The following COL25A1 variants were observed in gnomAD, a reference collection of about 807,000 sequenced individuals.
COL25A1 encodes the protein collagen alpha-1(XXV) chain.
A neutral mutation model predicts 128.4 loss-of-function variants in COL25A1; 103 were observed. That is an observed-to-expected ratio of 0.80 (90% CI 0.68 to 0.94). The LOEUF (loss-of-function observed/expected upper bound fraction) is 0.94. COL25A1 is among the 40% of genes least tolerant of loss of function. The pLI is 0.00. For missense variants in COL25A1, 745 were observed against 840.0 expected (o/e 0.89, Z 1.40); for synonymous variants, 279 against 277.2 (o/e 1.01, Z -0.06).
chr4:109,097,315 T>C (rs892360953), intron 3 of COL25A1, among the ~76,000 whole-genome samples: 6 of 152,050 alleles, frequency 3.9e-5, no homozygotes, highest in African/African-American at 1.2e-4. Context: ...ATTAAAATTA[T>C]GTTATCTGGC....
chr4:109,127,532 T>G (rs1768736898), intron 3 of COL25A1, among the ~76,000 whole-genome samples: 1 of 152,146 alleles, frequency 6.6e-6, no homozygotes, highest in African/African-American at 2.4e-5. Context: ...CTCTCTATGT[T>G]GCCCAGGCTG....
chr4:109,053,353 AAC>A (rs1204125140), intron 3 of COL25A1, among the ~76,000 whole-genome samples: 1 of 152,230 alleles, frequency 6.6e-6, no homozygotes, highest in Non-Finnish European at 1.5e-5. Context: ...TTCATCAAAT[AAC>A]AAAGGCAAGC....
At chr4:109,195,497 G>A (rs1351652838) in intron 3 of COL25A1, among the ~76,000 whole-genome samples, 1 of 152,158 alleles carries the variant, frequency 6.6e-6, no homozygotes, top group Non-Finnish European at 1.5e-5. Context: ...GTAGTAGGAT[G>A]TGCCTGGACA....
intron 3 of COL25A1, among the ~76,000 whole-genome samples, chr4:109,194,551 T>TGAGAA (rs111457627): frequency 0.021 from 3,125 of 151,782 alleles, 108 homozygotes; most frequent in South Asian, 0.14. Context: ...ATAGAAGGAG[T>TGAGAA]GAGGAGAAAG....
chr4:108,877,397 G>A (rs921265753), intron 19 of COL25A1, among the ~76,000 whole-genome samples: 19 of 152,236 alleles, frequency 1.2e-4, no homozygotes, highest in Non-Finnish European at 2.6e-4. Context: ...ATTAGTGTAT[G>A]AGCATTAAAC....
At chr4:108,892,260 T>G (rs1741601469) in intron 16 of COL25A1, among the ~76,000 whole-genome samples, 1 of 152,190 alleles carries the variant, frequency 6.6e-6, no homozygotes, top group African/African-American at 2.4e-5. Context: ...CAGGGTAAGT[T>G]ATAGATGAGG....
chr4:109,059,844 TAG>T (rs1355584965), intron 3 of COL25A1, among the ~76,000 whole-genome samples: 1 of 152,202 alleles, frequency 6.6e-6, no homozygotes, highest in Admixed American at 6.5e-5. Flanking sequence ...ACTTGGCACA[TAG>T]TTAAATGTTA....
chr4:108,925,752 A>AT (rs1184014664), intron 11 of COL25A1, among the ~76,000 whole-genome samples: 47 of 152,214 alleles, frequency 3.1e-4, no homozygotes, highest in Non-Finnish European at 4.4e-5. Context: ...ACTCATTCTA[A>AT]CATTGCTGGC....
At chr4:109,016,455 C>G (rs186689094) in intron 5 of COL25A1, among the ~76,000 whole-genome samples, 1 of 152,332 alleles carries the variant, frequency 6.6e-6, no homozygotes, top group African/African-American at 2.4e-5. Flanking sequence ...AGGGGCGGGT[C>G]CCTGGTGAAA....
chr4:108,942,371 C>T (rs1011581934), intron 8 of COL25A1: 2 of 1,052,190 alleles, frequency 1.9e-6, no homozygotes, highest in Non-Finnish European at 2.8e-6. Flanking sequence ...CCTCCCTTTC[C>T]TGGGACTTAG....
At chr4:109,157,955 C>T (rs1198094978) in intron 3 of COL25A1, among the ~76,000 whole-genome samples, 1 of 152,204 alleles carries the variant, frequency 6.6e-6, no homozygotes, top group Non-Finnish European at 1.5e-5. Context: ...CCACCATCTA[C>T]AGCTCTAGAT....
At position 109,116,234 on chromosome 4, in the gene COL25A1, G is replaced by T. The variant is rs146375759; in HGVS notation, c.368-66055C>A. 2.9e-3 allele frequency among the ~76,000 whole-genome samples: 437 copies of T among 152,160 alleles called. 3 individuals are homozygous for T. The highest frequency in any genetic ancestry group is 9.9e-3 in the African/African-American group (412 of 41,538). On this transcript the variant is annotated intron_variant, in intron 3 of 37. Transcript: ENST00000399132. ...GCTCGCAGTGAATACTGGAGAAAAA[G>T]ACAGTGAATGTCATGCTTTCAGATG...
intron 3 of COL25A1, among the ~76,000 whole-genome samples, chr4:109,149,703 G>C (rs1458405952): frequency 1.3e-5 from 2 of 152,074 alleles, no homozygotes; most frequent in African/African-American, 4.8e-5. Context: ...AGTGCTACTT[G>C]TATTTTATTT....
At chr4:109,301,696 C>A in intron 2 of COL25A1, 27 bp downstream of exon 2, 2 of 1,599,314 alleles carry the variant, frequency 1.3e-6, no homozygotes, top group Non-Finnish European at 1.7e-6. Flanking sequence ...ATGTTACCCA[C>A]GTGCAAAATA....
intron 5 of COL25A1, among the ~76,000 whole-genome samples, chr4:109,036,369 A>T (rs984154920): frequency 6.6e-6 from 1 of 152,220 alleles, no homozygotes; most frequent in African/African-American, 2.4e-5. Context: ...CACGACTTTC[A>T]AACTAGTAAA....
intron 22 of COL25A1, among the ~76,000 whole-genome samples, chr4:108,861,713 CTT>C (rs1346218739): frequency 6.6e-6 from 1 of 152,148 alleles, no homozygotes; most frequent in South Asian, 2.1e-4. Context: ...TAAACTGAAA[CTT>C]TGGAGAAGAG....
Position 108,914,982 on chromosome 4 carries a change from A to G in COL25A1, c.780+3190T>C, listed in dbSNP as rs925815790. Among the ~76,000 whole-genome samples the G allele has an allele frequency of 2.6e-5, 4 of 152,184 alleles. No homozygotes were observed. The East Asian group carries it at 7.7e-4, about 29-fold the overall frequency. On this transcript the variant is annotated intron_variant, in intron 13 of 37. Transcript: ENST00000399132. The stretch of plus-strand genomic sequence containing the variant: ...TTAGAAAGTTAAGTGATTGGCCCAA[A>G]TGAGGACACATAGCATTCTCTCTCA...
intron 16 of COL25A1, among the ~76,000 whole-genome samples, chr4:108,892,115 CAG>C (rs535299071): frequency 8.9e-6 from 1 of 112,248 alleles, no homozygotes; most frequent in South Asian, 3.6e-4. Context: ...TGAAATAAAA[CAG>C]TGTGTGTTTA....
chr4:109,024,357 T>A (rs929449627), intron 5 of COL25A1, among the ~76,000 whole-genome samples: 3 of 152,030 alleles, frequency 2.0e-5, no homozygotes, highest in African/African-American at 7.2e-5. Context: ...ATCAACTTTA[T>A]ATATATTTAT....
Sources: allele counts gnomAD v4.1 joint callset (sites outside exome capture counted in the v4.1 genomes callset), GRCh38; gene constraint gnomAD v4.1.1; transcripts MANE v1.5; gene names NCBI Gene and HGNC (gene_info 2026-07-23, HGNC 2026-07-21).